The following TMEM74 variants were observed in gnomAD, a reference collection of about 807,000 sequenced individuals.
TMEM74 encodes the protein transmembrane protein 74.
Under a neutral mutation model 18.1 loss-of-function variants are expected in TMEM74, and 13 were observed. The observed-to-expected ratio is 0.72, with a 90% CI of 0.47 to 1.14. The LOEUF (loss-of-function observed/expected upper bound fraction) is 1.14. Ranked by LOEUF, TMEM74 falls within the 50% of genes most tolerant of loss-of-function variation. The probability of loss-of-function intolerance (pLI) is 0.00; values close to 1 mark genes in which losing one functional copy is unlikely to be tolerated. For synonymous variants in TMEM74, 159 were observed against 146.6 expected (o/e 1.08, Z -0.61); for missense variants, 372 against 375.9 (o/e 0.99, Z 0.09).
intron 2 of TMEM74, among the ~76,000 whole-genome samples, chr8:108,626,182 A>G (rs1812491020): frequency 6.6e-6 from 1 of 152,084 alleles, no homozygotes; most frequent in Non-Finnish European, 1.5e-5. Context: ...TACATTATTT[A>G]CATTATTACA....
intron 1 of TMEM74, among the ~76,000 whole-genome samples, chr8:108,699,240 C>T (rs1004978203): frequency 2.1e-5 from 3 of 144,776 alleles, no homozygotes; most frequent in Non-Finnish European, 4.5e-5. Context: ...TCCCTCCCTT[C>T]CTACTAAGGA....
chr8:108,787,297 C>T (rs1814402398), intron 1 of TMEM74, among the ~76,000 whole-genome samples, 179 bp downstream of exon 1: 1 of 152,202 alleles, frequency 6.6e-6, no homozygotes, highest in Non-Finnish European at 1.5e-5. Flanking sequence ...GCCGAGGAAT[C>T]CGGCTATCCA....
intron 1 of TMEM74, among the ~76,000 whole-genome samples, chr8:108,756,636 A>AAAG (rs1813969674): frequency 1.5e-4 from 13 of 86,206 alleles, no homozygotes; most frequent in East Asian, 7.4e-4. Context: ...GGAAGGAAGG[A>AAAG]AGGAAGAAAG....
intron 1 of TMEM74, among the ~76,000 whole-genome samples, chr8:108,675,920 T>A (rs934190339): frequency 6.6e-6 from 1 of 152,140 alleles, no homozygotes; most frequent in African/African-American, 2.4e-5. Flanking sequence ...GATAATGAGA[T>A]AATATTATTC....
intron 1 of TMEM74, among the ~76,000 whole-genome samples, chr8:108,720,303 C>G (rs1586273034): frequency 6.6e-6 from 1 of 152,148 alleles, no homozygotes. Flanking sequence ...GTCAGCCCAA[C>G]TACAGTTAGA....
chr8:108,787,189 C>T (rs540592523), intron 1 of TMEM74, among the ~76,000 whole-genome samples: 2 of 152,172 alleles, frequency 1.3e-5, no homozygotes, highest in Admixed American at 1.3e-4. Context: ...CTGACACAGG[C>T]AAGGCTGATC....
intron 1 of TMEM74, among the ~76,000 whole-genome samples, chr8:108,729,915 C>G (rs906652183): frequency 1.3e-5 from 2 of 152,168 alleles, no homozygotes; most frequent in Non-Finnish European, 1.5e-5. Context: ...CATTAGTGGA[C>G]AAATAAGTTA....
chr8:108,634,786 G>A (rs1812590501), intron 2 of TMEM74, among the ~76,000 whole-genome samples: 1 of 152,006 alleles, frequency 6.6e-6, no homozygotes, highest in Non-Finnish European at 1.5e-5. Context: ...TCTGGGTAAT[G>A]CAAATGAATC....
At chr8:108,654,243 C>G (rs1242660242) in intron 2 of TMEM74, among the ~76,000 whole-genome samples, 1 of 152,138 alleles carries the variant, frequency 6.6e-6, no homozygotes. Context: ...AGGCACCAGA[C>G]TGCCTAGTTT....
intron 2 of TMEM74, among the ~76,000 whole-genome samples, chr8:108,653,746 C>G (rs951026596): frequency 2.6e-5 from 4 of 151,992 alleles, no homozygotes; most frequent in Non-Finnish European, 4.4e-5. Flanking sequence ...CTCTGTTGTG[C>G]TTTTTTAAAG....
At chr8:108,651,896 T>C (rs974186469) in intron 2 of TMEM74, among the ~76,000 whole-genome samples, 4 of 151,774 alleles carry the variant, frequency 2.6e-5, no homozygotes, top group Non-Finnish European at 4.4e-5. Flanking sequence ...TACGTTGAGA[T>C]TACAATGACT....
chr8:108,736,277 T>C (rs1326112204), intron 1 of TMEM74, among the ~76,000 whole-genome samples: 5 of 152,182 alleles, frequency 3.3e-5, no homozygotes, highest in Non-Finnish European at 5.9e-5. Context: ...GAAATTTTCT[T>C]AACTGAAATT....
intron 1 of TMEM74, among the ~76,000 whole-genome samples, chr8:108,699,017 G>T (rs190332383): frequency 9.2e-5 from 14 of 152,224 alleles, no homozygotes; most frequent in Non-Finnish European, 1.5e-5. Context: ...TCCCGGATGA[G>T]CTGGGCAAGA....
At chr8:108,702,390 A>T (rs1272412475) in intron 1 of TMEM74, among the ~76,000 whole-genome samples, 1 of 150,202 alleles carries the variant, frequency 6.7e-6, no homozygotes, top group Non-Finnish European at 1.5e-5. Flanking sequence ...ATAAACCAAC[A>T]CAAATTTGGT....
intron 2 of TMEM74, among the ~76,000 whole-genome samples, chr8:108,630,672 C>T (rs1812542129): frequency 6.6e-6 from 1 of 152,000 alleles, no homozygotes; most frequent in Admixed American, 6.6e-5. Flanking sequence ...AAGAAATTCA[C>T]TCAAAACTGG....
chr8:108,705,720 A>G (rs1401063999), intron 1 of TMEM74, among the ~76,000 whole-genome samples: 1 of 143,238 alleles, frequency 7.0e-6, no homozygotes, highest in Non-Finnish European at 1.5e-5. Flanking sequence ...AGTCTTATGA[A>G]AAAAAAAGTA....
At chr8:108,699,806 C>T (rs1813317822) in intron 1 of TMEM74, among the ~76,000 whole-genome samples, 1 of 152,114 alleles carries the variant, frequency 6.6e-6, no homozygotes, top group Non-Finnish European at 1.5e-5. Flanking sequence ...ACATTGCTCA[C>T]CTTAGTGAGG....
chr8:108,640,669 T>C (rs1245900535), intron 2 of TMEM74, among the ~76,000 whole-genome samples: 1 of 152,072 alleles, frequency 6.6e-6, no homozygotes, highest in Non-Finnish European at 1.5e-5. Context: ...CACAGTAATA[T>C]CTTTTATATA....
At chr8:108,775,762 C>T (rs962570074), downstream of TMEM74, among the ~76,000 whole-genome samples, 11 of 152,124 alleles carry the variant, frequency 7.2e-5, no homozygotes, top group Non-Finnish European at 1.2e-4. Flanking sequence ...ATATTCTGTT[C>T]GCAATCAAGA....
Sources: gnomAD v4.1 joint callset for allele counts (sites outside exome capture counted in the v4.1 genomes callset) on GRCh38, gnomAD v4.1.1 for gene constraint, MANE v1.5 for transcripts, NCBI Gene and HGNC (gene_info 2026-07-23, HGNC 2026-07-21) for gene names.